GTSE1: variants seen among roughly 807,000 people sequenced by gnomAD.
GTSE1 encodes the protein G2 and S-phase expressed 1.
Under a neutral mutation model 60.5 loss-of-function variants are expected in GTSE1, and 52 were observed. That is an observed-to-expected ratio of 0.86 (90% confidence interval 0.69 to 1.08). The LOEUF (loss-of-function observed/expected upper bound fraction) is 1.08, where lower values mean the gene tolerates loss of function less well. GTSE1 is among the 50% of genes least tolerant of loss of function. The pLI, the probability that GTSE1 is intolerant of heterozygous loss-of-function variation, is 0.00. For synonymous variants in GTSE1, 368 were observed against 386.5 expected (o/e 0.95, Z 0.56); for missense variants, 937 against 961.8 (o/e 0.97, Z 0.34).
chr22:46,302,960 C>T (rs997295567), intron 2 of GTSE1, among the ~76,000 whole-genome samples: 11 of 142,956 alleles, frequency 7.7e-5, no homozygotes, highest in African/African-American at 2.6e-4. Flanking sequence ...AGTGCAGTGG[C>T]GTGATCTTGG....
At position 46,326,633 on chromosome 22, in the gene GTSE1, C is replaced by T; in HGVS notation, c.1703C>T (p.Pro568Leu). Reference sequence around the variant, plus strand: ...CCAGCTCGGAGACGTTCCTCTGAGCCCCGCAAGAACTCTGCAATGAGGTAA... The same window carrying T: ...CCAGCTCGGAGACGTTCCTCTGAGCTCCGCAAGAACTCTGCAATGAGGTAA... ...CVPARRRSSE[P>L]RKNSAMRTEP... Residue 568 changes from proline to leucine, a missense_variant, in exon 9 of 12, where the codon CCC becomes CTC. By Grantham distance (98) the Pro-to-Leu change is moderately conservative. Transcript: ENST00000454366. The T allele has an allele frequency of 1.2e-6, 2 of 1,610,208 alleles. No individual in the cohort carries two copies. The highest frequency in any genetic ancestry group is 1.7e-6 in the Non-Finnish European group (2 of 1,177,808).
intron 2 of GTSE1, among the ~76,000 whole-genome samples, chr22:46,298,797 C>G (rs567593391): frequency 1.3e-5 from 2 of 152,348 alleles, no homozygotes; most frequent in South Asian, 4.1e-4. Flanking sequence ...GCCTTCCCCA[C>G]TTCCGTTGAC....
intron 2 of GTSE1, among the ~76,000 whole-genome samples, chr22:46,306,904 A>T (rs1482686566): frequency 6.6e-6 from 1 of 152,202 alleles, no homozygotes; most frequent in Non-Finnish European, 1.5e-5. Context: ...CCAGGCCCTT[A>T]GCTGGACATT....
rs2077859927 is a variant in GTSE1 at position 46,328,898 on chromosome 22, A to T, written c.1926+9A>T. On this transcript the variant is annotated intron_variant, in intron 10 of 11. Coordinates refer to ENST00000454366, the MANE Select transcript of GTSE1 (RefSeq NM_016426.7). Reference sequence around the variant, plus strand: ...ATGCAGCCCCTAGTGAGGTGGGCAGAACGGGCGCAGCTGGGTTCTGTTAGC... The same window carrying T: ...ATGCAGCCCCTAGTGAGGTGGGCAGTACGGGCGCAGCTGGGTTCTGTTAGC... 1 of 1,607,526 alleles carries T rather than the reference A, an allele frequency of 6.2e-7. No individual in the cohort carries two copies. Among genetic ancestry groups the T allele is most frequent in the East Asian group, 2.2e-5 (1 of 44,832 alleles).
At position 46,308,487 on chromosome 22, in the gene GTSE1, C is replaced by A. The variant is rs937656830; in HGVS notation, c.306C>A (p.Tyr102Ter). The A allele has an allele frequency of 1.2e-6, 2 of 1,614,194 alleles. No homozygotes were observed. The highest frequency in any genetic ancestry group is 1.7e-6 in the Non-Finnish European group (2 of 1,180,028). Reference sequence around the variant, plus strand: ...CCGGGGAGAAGTTCGTGGAGGTGTACAAAGAAGCTCACTTACTGGCTTTAC... The same window carrying A: ...CCGGGGAGAAGTTCGTGGAGGTGTAAAAAGAAGCTCACTTACTGGCTTTAC... ...PLAGEKFVEV[Y>*]KEAHLLALHI... Residue 102 changes from tyrosine to a stop codon, truncating the protein, a stop_gained, in exon 4 of 12, where the codon TAC becomes TAA. Transcript: ENST00000454366. LOFTEE classifies it high-confidence loss of function.
chr22:46,316,201 G>A lies in GTSE1; in HGVS notation c.1221G>A (p.Ala407=), dbSNP rs766972592. 19 of 1,613,554 alleles carry A rather than the reference G, an allele frequency of 1.2e-5. No homozygotes were observed. Among genetic ancestry groups the A allele is most frequent in the Middle Eastern group, 3.3e-4 (2 of 6,084 alleles). Residue 407 remains alanine, a synonymous_variant, in exon 7 of 12, where the codon GCG becomes GCA. Transcript: ENST00000454366. The surrounding 1 kb of genome is among the most constrained non-coding windows in gnomAD (Gnocchi z 5.0). The stretch of plus-strand genomic sequence containing the variant: ...GGGTCGATGTTTCTGAGCTGGCAGC[G>A]GAGCAGCTCACGGCACCCCCCTCAG... ...AKRVDVSELA[A]EQLTAPPSAS... is the part of the protein sequence containing the mutation.
chr22:46,297,499 G>A lies in GTSE1; in HGVS notation c.79+20G>A, dbSNP rs527909940. On this transcript the variant is annotated intron_variant, in intron 2 of 11. Transcript: ENST00000454366. This position sits in a 1 kb window ranked among gnomAD's most constrained non-coding sequence, Gnocchi z 4.9. ...AGGAAGGCAAGTCCTTGCTGCTGCG[G>A]CGCTGTTGTTGTTCAGGATGTTCAG... is the stretch of plus-strand genomic sequence containing the variant. 3.8e-6 allele frequency: 6 copies of A among 1,562,770 alleles called. No homozygotes were observed. The African/African-American group carries it at 4.1e-5, about 11-fold the overall frequency.
Position 46,314,483 on chromosome 22 carries a change from G to A in GTSE1, c.1051+470G>A, listed in dbSNP as rs571019985. 6.6e-6 allele frequency among the ~76,000 whole-genome samples: 1 copy of A among 152,174 alleles called. No homozygotes were observed. Among genetic ancestry groups the A allele is most frequent in the South Asian group, 2.1e-4 (1 of 4,822 alleles). ...CATCTAGTGGTAAGGGAAAGCCTTCGCCTTTCTGCTCTTCAGAGCGAAATC... is the reference window on the plus strand; with the variant it reads ...CATCTAGTGGTAAGGGAAAGCCTTCACCTTTCTGCTCTTCAGAGCGAAATC... On this transcript the variant is annotated intron_variant, in intron 6 of 11. Transcript: ENST00000454366. This position sits in a 1 kb window ranked among gnomAD's most constrained non-coding sequence, Gnocchi z 7.1.
chr22:46,308,181 C>G lies in GTSE1; in HGVS notation c.111C>G (p.Asp37Glu). The G allele has an allele frequency of 6.2e-7, 1 of 1,613,330 alleles. No homozygotes were observed. The highest frequency in any genetic ancestry group is 8.5e-7 in the Non-Finnish European group (1 of 1,179,338). The change falls in exon 3 of 12, where the codon GAC becomes GAG. Residue 37 changes from aspartate (D) to glutamate (E), a missense_variant. Transcript: ENST00000454366. ...TTCTTTTGGCCGATGAAAAATTTGA[C>G]TTCGATCTTTCATTGTCTTCTTCGA... ...DILLLADEKF[D>E]FDLSLSSSSA...
In GTSE1 at chr22:46,320,057, C is replaced by T. The variant is rs143857385; in HGVS notation, c.1433-3133C>T. Among the ~76,000 whole-genome samples the T allele has an allele frequency of 2.8e-3, 422 of 152,118 alleles. 3 individuals carry two copies. The highest frequency in any genetic ancestry group is 9.7e-3 in the African/African-American group (403 of 41,492). On this transcript the variant is annotated intron_variant, in intron 7 of 11. Transcript: ENST00000454366. This position sits in a 1 kb window ranked among gnomAD's most constrained non-coding sequence, Gnocchi z 7.1. The stretch of plus-strand genomic sequence containing the variant: ...GGGTGGGTTCTGCAGGGACACCCTA[C>T]GGCCCAGGTCATGTGGAGGTGTGTT...
At chr22:46,300,032 T>C (rs919661726) in intron 2 of GTSE1, among the ~76,000 whole-genome samples, 3 of 149,400 alleles carry the variant, frequency 2.0e-5, no homozygotes, top group African/African-American at 7.4e-5. Flanking sequence ...CTCAATCTCC[T>C]GACCTCGTGA....
At chr22:46,326,248 T>G (rs1240018794) in intron 8 of GTSE1, among the ~76,000 whole-genome samples, 188 bp from the exon 9 acceptor site, 1 of 152,232 alleles carries the variant, frequency 6.6e-6, no homozygotes, top group Non-Finnish European at 1.5e-5. Context: ...CAGGATGGGT[T>G]GGTAGCAGCT....
At position 46,324,848 on chromosome 22, in the gene GTSE1, G is replaced by A. The variant is rs1415331996; in HGVS notation, c.1505+1586G>A. Among the ~76,000 whole-genome samples, 1 of 152,136 alleles carries A rather than the reference G, an allele frequency of 6.6e-6. No individual in the cohort carries two copies. The highest frequency in any genetic ancestry group is 1.5e-5 in the Non-Finnish European group (1 of 68,026). Reference sequence around the variant, plus strand: ...CGTTGCTTTTCTTCCATTTAAATAGGCTAGAGTCAGTCTGTTTTCAGGCTC... The same window carrying A: ...CGTTGCTTTTCTTCCATTTAAATAGACTAGAGTCAGTCTGTTTTCAGGCTC... On this transcript the variant is annotated intron_variant, in intron 8 of 11. Coordinates refer to ENST00000454366, the MANE Select transcript of GTSE1 (RefSeq NM_016426.7). This position sits in a 1 kb window ranked among gnomAD's most constrained non-coding sequence, Gnocchi z 5.2.
intron 2 of GTSE1, among the ~76,000 whole-genome samples, chr22:46,302,157 ATGTTT>A (rs1268297100): frequency 2.0e-5 from 3 of 151,930 alleles, no homozygotes; most frequent in Non-Finnish European, 2.9e-5. Flanking sequence ...ATAAAAAAGA[ATGTTT>A]TGTTTTATTT....
chr22:46,307,970 A>C (rs961790049), intron 2 of GTSE1, among the ~76,000 whole-genome samples, 180 bp from the exon 3 acceptor site: 1 of 152,218 alleles, frequency 6.6e-6, no homozygotes, highest in African/African-American at 2.4e-5. Flanking sequence ...AAAATTTTTT[A>C]AAAAGGAAAA....
intron 2 of GTSE1, among the ~76,000 whole-genome samples, chr22:46,302,341 A>AC (rs146960262): frequency 0.036 from 5,519 of 152,176 alleles, 337 homozygotes; most frequent in African/African-American, 0.13. Context: ...CAGAGATGTT[A>AC]AAATTTTAAT....
Position 46,329,207 on chromosome 22 carries a change from C to G in GTSE1, c.1927-151C>G. 1 of 736,244 alleles carries G rather than the reference C, an allele frequency of 1.4e-6. No homozygotes were observed. The highest frequency in any genetic ancestry group is 2.4e-6 in the Non-Finnish European group (1 of 414,214). The allele number at this position is 736,244 out of a possible 1,614,324, so 45.6% of individuals were successfully genotyped here. A position where few individuals can be genotyped will look rare whatever the true frequency, so the allele number is the denominator to read the frequency against. ...AACAGTCAGAGAGGCACGGCCCACCCCATACAGAGCCTCCTTCCACCAAGG... is the reference window on the plus strand; with the variant it reads ...AACAGTCAGAGAGGCACGGCCCACCGCATACAGAGCCTCCTTCCACCAAGG... On this transcript the variant is annotated intron_variant, in intron 10 of 11. Coordinates refer to ENST00000454366, the MANE Select transcript of GTSE1 (RefSeq NM_016426.7). The surrounding 1 kb of genome is among the most constrained non-coding windows in gnomAD (Gnocchi z 6.4).
Position 46,329,507 on chromosome 22 carries a change from C to G in GTSE1, c.2076C>G (p.Leu692=). Residue 692 remains leucine (L), a synonymous_variant, in exon 11 of 12, where the codon CTC becomes CTG. Transcript: ENST00000454366. The surrounding 1 kb of genome is among the most constrained non-coding windows in gnomAD (Gnocchi z 6.4). ...CTGAAAGCAGGCCTCTGATCGACCT[C>G]ATGACAAACACTCCAGACATGAATA... is the stretch of plus-strand genomic sequence containing the variant. ...VGSESRPLID[L]MTNTPDMNKN... is the part of the protein sequence containing the mutation. 6.2e-7 allele frequency: 1 copy of G among 1,614,196 alleles called. No homozygotes were observed. Among genetic ancestry groups the G allele is most frequent in the African/African-American group, 1.3e-5 (1 of 75,052 alleles).
chr22:46,303,889 C>T (rs747050320), intron 2 of GTSE1, among the ~76,000 whole-genome samples: 1 of 152,114 alleles, frequency 6.6e-6, no homozygotes, highest in Admixed American at 6.5e-5. Context: ...TGGAGACGAG[C>T]GGTGTTCCTG....
Sources: allele counts gnomAD v4.1 joint callset (sites outside exome capture counted in the v4.1 genomes callset), GRCh38; gene constraint gnomAD v4.1.1; non-coding constraint Gnocchi (gnomAD v3.1); transcripts MANE v1.5; gene names NCBI Gene and HGNC (gene_info 2026-07-23, HGNC 2026-07-21).